CORO2A: variants seen among roughly 807,000 people sequenced by gnomAD.
The protein encoded by CORO2A is coronin 2A, also known as coronin-2A.
Under a neutral mutation model 62.4 loss-of-function variants are expected in CORO2A, and 47 were observed. That is an observed-to-expected ratio of 0.75 (90% CI 0.60 to 0.96). CORO2A has a LOEUF of 0.96. Among genes scored for constraint, CORO2A ranks in the 40% least tolerant of loss-of-function variants. The pLI is 0.00. For synonymous variants in CORO2A, 273 were observed against 268.9 expected (o/e 1.02, Z -0.15); for missense variants, 610 against 684.1 (o/e 0.89, Z 1.21).
intron 1 of CORO2A, among the ~76,000 whole-genome samples, chr9:98,189,501 TA>T (rs1302817680): frequency 6.6e-6 from 1 of 152,218 alleles, no homozygotes; most frequent in Non-Finnish European, 1.5e-5. Flanking sequence ...TACCTGCCTC[TA>T]AGGGGATTCA....
At chr9:98,190,998 G>C (rs950481990) in intron 1 of CORO2A, among the ~76,000 whole-genome samples, 4 of 152,218 alleles carry the variant, frequency 2.6e-5, no homozygotes, top group Admixed American at 2.6e-4. Context: ...TCACCCCCAG[G>C]TTCTGCTTGA....
chr9:98,169,936 GTC>G (rs1367664038), intron 1 of CORO2A, among the ~76,000 whole-genome samples: 6 of 152,112 alleles, frequency 3.9e-5, no homozygotes, highest in Non-Finnish European at 8.8e-5. Context: ...AGACTGAGCA[GTC>G]TCTCCATCCC....
chr9:98,163,717 T>A (rs1280605277), intron 1 of CORO2A, among the ~76,000 whole-genome samples: 1 of 143,448 alleles, frequency 7.0e-6, no homozygotes, highest in African/African-American at 2.6e-5. Context: ...GCGGGGTGTG[T>A]GTGTGTGTGT....
At chr9:98,188,087 C>T (rs1828261242) in intron 1 of CORO2A, among the ~76,000 whole-genome samples, 1 of 152,204 alleles carries the variant, frequency 6.6e-6, no homozygotes, top group Non-Finnish European at 1.5e-5. Flanking sequence ...ATCACTCTGT[C>T]CCAGCTCGTG....
intron 4 of CORO2A, among the ~76,000 whole-genome samples, chr9:98,134,551 A>G (rs549512892): frequency 2.0e-5 from 3 of 152,326 alleles, no homozygotes; most frequent in African/African-American, 7.2e-5. Context: ...GAAGACAGGT[A>G]CACAGAGAGA....
intron 2 of CORO2A, among the ~76,000 whole-genome samples, chr9:98,143,256 C>T (rs1000302771): frequency 6.6e-6 from 1 of 152,168 alleles, no homozygotes; most frequent in African/African-American, 2.4e-5. Context: ...GGGTGGGGGA[C>T]CAGACTGGGG....
intron 6 of CORO2A, 59 bp downstream of exon 6, chr9:98,132,126 A>C (rs1827416770): frequency 2.4e-6 from 3 of 1,270,958 alleles, no homozygotes; most frequent in Non-Finnish European, 3.4e-6. Context: ...GCATGCATGA[A>C]TGAATGACAC....
In CORO2A at chr9:98,126,569, G is replaced by C. The variant is rs200947502; in HGVS notation, c.1426C>G (p.Pro476Ala). ...CACACCTCATTCTCTGTCTTTGGTG[G>C]GGGGCATTCGAAAACGTCAAAGCCA... The part of the protein sequence containing the change: ...TNGFDVFECP[P>A]PKTENELLQM... The change falls in exon 11 of 12, where the codon CCA (proline) becomes GCA (alanine). Residue 476 changes from proline (P) to alanine (A), a missense_variant. Coordinates refer to ENST00000375077, the MANE Select transcript of CORO2A (RefSeq NM_052820.4). The C allele has an allele frequency of 8.7e-6, 14 of 1,613,846 alleles. No individual in the cohort carries two copies. The Admixed American group carries it at 1.0e-4, about 12-fold the overall frequency.
At chr9:98,127,343 T>TG (rs1191909743) in intron 10 of CORO2A, among the ~76,000 whole-genome samples, 4 of 151,862 alleles carry the variant, frequency 2.6e-5, no homozygotes, top group Admixed American at 6.6e-5. Flanking sequence ...GCTCAGCCAC[T>TG]GGGGTGGGGG....
rs563942151 is a variant in CORO2A at position 98,155,647 on chromosome 9, T to C, written c.201+1813A>G. 1.1e-3 allele frequency among the ~76,000 whole-genome samples: 173 copies of C among 152,310 alleles called. 14 individuals are homozygous for C. The highest frequency in any genetic ancestry group is 3.4e-4 in the Non-Finnish European group (23 of 68,022). Reference sequence around the variant, plus strand: ...GGCATGAGCCACCACGCCTGGCCTATTGTTCAATTTTTAAAGTACATAAAG... The same window carrying C: ...GGCATGAGCCACCACGCCTGGCCTACTGTTCAATTTTTAAAGTACATAAAG... On this transcript the variant is annotated intron_variant, in intron 2 of 11. Coordinates refer to ENST00000375077, the MANE Select transcript of CORO2A (RefSeq NM_052820.4).
intron 2 of CORO2A, among the ~76,000 whole-genome samples, chr9:98,143,708 T>C (rs1386162504): frequency 1.3e-5 from 2 of 152,166 alleles, no homozygotes; most frequent in African/African-American, 4.8e-5. Flanking sequence ...CCCAGTTTTA[T>C]TGTTGCTCAG....
At chr9:98,170,843 G>A (rs1828024738) in intron 1 of CORO2A, among the ~76,000 whole-genome samples, 1 of 152,102 alleles carries the variant, frequency 6.6e-6, no homozygotes, top group African/African-American at 2.4e-5. Context: ...TAACAGCCCT[G>A]CCCTGCCCAC....
At chr9:98,175,258 C>T (rs1828092939) in intron 1 of CORO2A, among the ~76,000 whole-genome samples, 1 of 152,046 alleles carries the variant, frequency 6.6e-6, no homozygotes, top group Non-Finnish European at 1.5e-5. Context: ...GGAGGCCTTG[C>T]TATTTCCCCA....
chr9:98,166,455 A>C (rs558909723), intron 1 of CORO2A, among the ~76,000 whole-genome samples: 1 of 152,368 alleles, frequency 6.6e-6, no homozygotes, highest in African/African-American at 2.4e-5. Context: ...AAATATTTGC[A>C]AATCCATATG....
Position 98,121,517 on chromosome 9 carries a change from AAAT to A in CORO2A, c.*3254_*3256del, listed in dbSNP as rs1301053815. ...TTTAAATAATTTATTCTAGATGTAA[AAAT>A]AATAATACAAAAAAGTTTGTTCAAA... On this transcript the variant is annotated 3_prime_UTR_variant, in exon 12 of 12. Transcript: ENST00000375077. The A allele has an allele frequency of 2.0e-5, 3 of 152,228 alleles. No homozygotes were observed. The highest frequency in any genetic ancestry group is 4.4e-5 in the Non-Finnish European group (3 of 68,050). The allele number at this position is 152,228 out of a possible 1,614,324, so 9.4% of individuals were successfully genotyped here.
chr9:98,137,549 G>A (rs201782803), intron 3 of CORO2A, 23 bp downstream of exon 3: 29 of 1,586,340 alleles, frequency 1.8e-5, no homozygotes, highest in Non-Finnish European at 1.3e-5. Context: ...GGAAGGGGAA[G>A]CCCCTCAGGG....
At chr9:98,160,508 T>A (rs1372340299) in intron 1 of CORO2A, among the ~76,000 whole-genome samples, 1 of 152,160 alleles carries the variant, frequency 6.6e-6, no homozygotes, top group Non-Finnish European at 1.5e-5. Context: ...GAGCAGCACA[T>A]CTTTTCTCTA....
At chr9:98,161,272 AGCTGGGCACGGTG>A (rs1216276665) in intron 1 of CORO2A, among the ~76,000 whole-genome samples, 1 of 152,016 alleles carries the variant, frequency 6.6e-6, no homozygotes, top group East Asian at 1.9e-4. Context: ...GGAGGGGAGA[AGCTGGGCACGGTG>A]GCTCACACCT....
At position 98,128,665 on chromosome 9, in the gene CORO2A, T is replaced by C. The variant is rs1346459569; in HGVS notation, c.1022A>G (p.Tyr341Cys). The stretch of plus-strand genomic sequence containing the variant: ...GAGGCTTTTGGTTGTGATCAGCTTG[T>C]AGAAGCGGAAGATCTCGCAGGAGGA... Reference protein sequence around the residue: ...DVSSCEIFRFYKLITTKSLIE... With the variant: ...DVSSCEIFRFCKLITTKSLIE... Residue 341 changes from tyrosine to cysteine, a missense_variant, in exon 9 of 12, where the codon TAC becomes TGC. Coordinates refer to ENST00000375077, the MANE Select transcript of CORO2A (RefSeq NM_052820.4). 6.2e-7 allele frequency: 1 copy of C among 1,614,168 alleles called. No homozygotes were observed. The highest frequency in any genetic ancestry group is 1.7e-5 in the Admixed American group (1 of 60,020).
Sources: allele counts gnomAD v4.1 joint callset (sites outside exome capture counted in the v4.1 genomes callset), GRCh38; gene constraint gnomAD v4.1.1; transcripts MANE v1.5; gene names NCBI Gene and HGNC (gene_info 2026-07-23, HGNC 2026-07-21).